CCBE1: variants seen among roughly 807,000 people sequenced by gnomAD.
The protein encoded by CCBE1 is collagen and calcium-binding EGF domain-containing protein 1.
Under a neutral mutation model 50.0 loss-of-function variants are expected in CCBE1, and 37 were observed. That is an observed-to-expected ratio of 0.74 (90% CI 0.57 to 0.97). The LOEUF (loss-of-function observed/expected upper bound fraction) is 0.97. Among genes scored for constraint, CCBE1 ranks in the 50% least tolerant of loss-of-function variants. The pLI is 0.00. For missense variants in CCBE1, 538 were observed against 523.8 expected (o/e 1.03, Z -0.26); for synonymous variants, 234 against 203.7 (o/e 1.15, Z -1.27).
intron 3 of CCBE1, among the ~76,000 whole-genome samples, chr18:59,470,226 G>C (rs981178241): frequency 2.0e-5 from 3 of 152,182 alleles, no homozygotes; most frequent in African/African-American, 7.2e-5. Flanking sequence ...GAGCAAAGCT[G>C]CTTCTTACAT....
At chr18:59,610,954 T>C (rs986963065) in intron 2 of CCBE1, among the ~76,000 whole-genome samples, 2 of 152,238 alleles carry the variant, frequency 1.3e-5, no homozygotes, top group Non-Finnish European at 2.9e-5. Flanking sequence ...TCAACTGAGA[T>C]GCCCCAAAGC....
At chr18:59,651,970 T>C (rs533976932) in intron 2 of CCBE1, among the ~76,000 whole-genome samples, 1 of 152,334 alleles carries the variant, frequency 6.6e-6, no homozygotes, top group East Asian at 1.9e-4. Flanking sequence ...TTGAATTTAT[T>C]CCTTCTATCT....
At position 59,462,211 on chromosome 18, in the gene CCBE1, A is replaced by G. The variant is rs573813802; in HGVS notation, c.553+4528T>C. On this transcript the variant is annotated intron_variant, in intron 5 of 10. Coordinates refer to ENST00000439986, the MANE Select transcript of CCBE1 (RefSeq NM_133459.4). ...ATTCATCAGATGCCATGCAGTCTAC[A>G]GAAAACACTCCTCTCTGGACTCCGG... 3.9e-5 allele frequency among the ~76,000 whole-genome samples: 6 copies of G among 152,288 alleles called. No individual in the cohort carries two copies. The East Asian group carries it at 9.6e-4, about 24-fold the overall frequency.
At chr18:59,559,484 T>A (rs1024398160) in intron 2 of CCBE1, among the ~76,000 whole-genome samples, 1 of 152,202 alleles carries the variant, frequency 6.6e-6, no homozygotes, top group Non-Finnish European at 1.5e-5. Flanking sequence ...TCGGCAGTCA[T>A]GTACAGAGTT....
intron 2 of CCBE1, among the ~76,000 whole-genome samples, chr18:59,554,287 G>C (rs1230494463): frequency 6.6e-6 from 1 of 152,192 alleles, no homozygotes; most frequent in Non-Finnish European, 1.5e-5. Context: ...ACTGGAACCA[G>C]AGCATACTTC....
chr18:59,687,726 G>C (rs1372999347), intron 2 of CCBE1, among the ~76,000 whole-genome samples: 1 of 152,210 alleles, frequency 6.6e-6, no homozygotes, highest in East Asian at 1.9e-4. Flanking sequence ...TACTTTGGGA[G>C]GCCGAGATGG....
At chr18:59,547,424 A>G (rs1412422979) in intron 2 of CCBE1, among the ~76,000 whole-genome samples, 4 of 152,320 alleles carry the variant, frequency 2.6e-5, no homozygotes, top group South Asian at 2.1e-4. Context: ...CAAGATGTCA[A>G]CTAGCAGTTG....
chr18:59,458,269 T>C lies in CCBE1; in HGVS notation c.554-3318A>G, dbSNP rs940528628. Among the ~76,000 whole-genome samples the C allele has an allele frequency of 1.1e-4, 16 of 152,358 alleles. No homozygotes were observed. In the South Asian group the frequency reaches 3.1e-3, roughly 30 times the overall value. On this transcript the variant is annotated intron_variant, in intron 5 of 10. Transcript: ENST00000439986. ...ACCTTTCCTTCCTCTTATCCATCTA[T>C]GGAGCATCTGCTGTTAGCCAGGTCC...
rs117530855 is a variant in CCBE1 at position 59,558,191 on chromosome 18, C to T, written c.213-77953G>A. ...TATGGAATCAGGGAACATAATTTTA[C>T]ACAGAAACTGAAGTCCACTTTGAAA... On this transcript the variant is annotated intron_variant, in intron 2 of 10. Coordinates refer to ENST00000439986, the MANE Select transcript of CCBE1 (RefSeq NM_133459.4). Among the ~76,000 whole-genome samples, 62 of 152,308 alleles carry T rather than the reference C, an allele frequency of 4.1e-4. No individual in the cohort carries two copies. The East Asian group carries it at 0.012, about 29-fold the overall frequency.
intron 2 of CCBE1, among the ~76,000 whole-genome samples, chr18:59,532,545 C>A (rs1361320235): frequency 1.3e-5 from 2 of 152,194 alleles, no homozygotes; most frequent in Non-Finnish European, 2.9e-5. Context: ...CAGGAAGAGA[C>A]AGGAATTAAC....
chr18:59,515,390 G>A (rs1482710624), intron 2 of CCBE1, among the ~76,000 whole-genome samples: 2 of 152,174 alleles, frequency 1.3e-5, no homozygotes, highest in Non-Finnish European at 1.5e-5. Flanking sequence ...CAGGAGGGGG[G>A]CCACTTCTCC....
At chr18:59,494,456 C>T (rs566853511) in intron 2 of CCBE1, among the ~76,000 whole-genome samples, 2 of 151,652 alleles carry the variant, frequency 1.3e-5, no homozygotes, top group African/African-American at 2.4e-5. Flanking sequence ...CAGACAGAGT[C>T]GTTAAAAAGG....
chr18:59,585,456 C>T (rs533536230), intron 2 of CCBE1, among the ~76,000 whole-genome samples: 2 of 152,158 alleles, frequency 1.3e-5, no homozygotes, highest in East Asian at 3.9e-4. Context: ...TTCCCAAAAT[C>T]AAGCTCAAGG....
At position 59,589,028 on chromosome 18, in the gene CCBE1, A is replaced by C. The variant is rs118041053; in HGVS notation, c.212+107601T>G. Among the ~76,000 whole-genome samples, 316 of 152,314 alleles carry C rather than the reference A, an allele frequency of 2.1e-3. 4 individuals are homozygous for C. In the East Asian group the frequency reaches 0.032, roughly 15 times the overall value. On this transcript the variant is annotated intron_variant, in intron 2 of 10. Coordinates refer to ENST00000439986, the MANE Select transcript of CCBE1 (RefSeq NM_133459.4). ...AGCATCCCAGAGGGAGGATGTCCTG[A>C]AAGTTCCAGTAGCACAGCATCTTAG... is the stretch of plus-strand genomic sequence containing the variant.
chr18:59,470,075 GC>G (rs1327979768), intron 3 of CCBE1, among the ~76,000 whole-genome samples: 1 of 152,168 alleles, frequency 6.6e-6, no homozygotes, highest in Non-Finnish European at 1.5e-5. Flanking sequence ...TAGGAAGGGG[GC>G]TTTGTGTATA....
chr18:59,521,546 G>C (rs1914601015), intron 2 of CCBE1, among the ~76,000 whole-genome samples: 1 of 152,128 alleles, frequency 6.6e-6, no homozygotes, highest in African/African-American at 2.4e-5. Flanking sequence ...CTCTTCTGTG[G>C]AGTCTGTTCC....
chr18:59,517,958 T>G (rs997488247), intron 2 of CCBE1, among the ~76,000 whole-genome samples: 3 of 152,272 alleles, frequency 2.0e-5, no homozygotes, highest in East Asian at 1.9e-4. Flanking sequence ...GGGTGTGCTG[T>G]CTCCTATGTC....
At chr18:59,484,417 T>C (rs1214508948) in intron 2 of CCBE1, among the ~76,000 whole-genome samples, 1 of 152,260 alleles carries the variant, frequency 6.6e-6, no homozygotes, top group Non-Finnish European at 1.5e-5. Context: ...AGCTGTTTGA[T>C]GGCGTTTTAA....
At chr18:59,640,594 C>T (rs2053973852) in intron 2 of CCBE1, among the ~76,000 whole-genome samples, 1 of 152,084 alleles carries the variant, frequency 6.6e-6, no homozygotes, top group East Asian at 1.9e-4. Flanking sequence ...GAGAAAGATG[C>T]CAAAAGCAAT....
Sources: allele counts gnomAD v4.1 joint callset (sites outside exome capture counted in the v4.1 genomes callset), GRCh38; gene constraint gnomAD v4.1.1; transcripts MANE v1.5; gene names NCBI Gene and HGNC (gene_info 2026-07-23, HGNC 2026-07-21).